The following DSCAM variants were observed in gnomAD, a reference collection of about 807,000 sequenced individuals.
The protein encoded by DSCAM is cell adhesion molecule DSCAM.
In DSCAM, 47 loss-of-function variants were observed where a neutral mutation model predicts 217.7. The ratio of observed to expected loss-of-function variants is 0.22; its 90% CI spans 0.17 to 0.28. The LOEUF (loss-of-function observed/expected upper bound fraction) is 0.28, where lower values mean the gene tolerates loss of function less well. Ranked by LOEUF, DSCAM falls within the 10% of genes least tolerant of loss-of-function variation. The pLI is 1.00. For missense variants in DSCAM, 2,080 were observed against 2,618.3 expected, an observed-to-expected ratio of 0.79 and a Z score of 4.49; for synonymous variants, 1,056 against 1,015.3, an observed-to-expected ratio of 1.04 and a Z score of -0.76.
rs78783210 is a variant in DSCAM, at chr21:40,716,409, T to G, written c.44-7638A>C. 8.1e-4 allele frequency among the ~76,000 whole-genome samples: 123 copies of G among 152,148 alleles called. 1 individual carries two copies. The highest frequency in any genetic ancestry group is 2.8e-3 in the African/African-American group (115 of 41,512). On this transcript the variant is annotated intron_variant, in intron 1 of 32. Coordinates refer to ENST00000400454, the MANE Select transcript of DSCAM (RefSeq NM_001389.5). ...GTGTGTGTGTGTGTGTGAAAGTTCCTAAAAAATAACTGTGGGTTCAAAACA... is the reference window on the plus strand; with the variant it reads ...GTGTGTGTGTGTGTGTGAAAGTTCCGAAAAAATAACTGTGGGTTCAAAACA...
intron 3 of DSCAM, among the ~76,000 whole-genome samples, chr21:40,609,520 T>C (rs1055086850): frequency 2.6e-5 from 4 of 152,196 alleles, no homozygotes; most frequent in African/African-American, 4.8e-5. Flanking sequence ...TTATGATTTG[T>C]AGCAAGGACG....
At chr21:40,252,638 G>A (rs755523317) in intron 11 of DSCAM, among the ~76,000 whole-genome samples, 9 of 152,108 alleles carry the variant, frequency 5.9e-5, no homozygotes, top group South Asian at 2.1e-4. Context: ...AGGGCCAGCC[G>A]GGTGGCCAGG....
intron 3 of DSCAM, among the ~76,000 whole-genome samples, chr21:40,585,069 A>G (rs565060027): frequency 7.6e-4 from 115 of 151,846 alleles, no homozygotes; most frequent in African/African-American, 2.6e-3. Context: ...AGGCCATGTC[A>G]CCTTGCCTTT....
chr21:40,402,112 T>C (rs1370296711), intron 3 of DSCAM, among the ~76,000 whole-genome samples: 1 of 123,292 alleles, frequency 8.1e-6, no homozygotes, highest in Non-Finnish European at 1.6e-5. Context: ...CGGGCTGGAG[T>C]ACAGTGGTGC....
rs923179503 is a variant in DSCAM at position 40,044,160 on chromosome 21, G to A, written c.5301C>T (p.Asp1767=). 6.2e-7 allele frequency: 1 copy of A among 1,614,078 alleles called. No homozygotes were observed. The highest frequency in any genetic ancestry group is 1.3e-5 in the African/African-American group (1 of 74,930). The change falls in exon 31 of 33, where the codon GAC becomes GAT. Residue 1767 remains aspartate (D), a synonymous_variant. Transcript: ENST00000400454. ...CAGCCCTGGGTGTTGGCAGCCTCCA[G>A]TCTGTGGTGAGGGTGTGTGCTGAGA... ...PTISAHTLTT[D]WRLPTPRAAG...
At chr21:40,376,589 T>TATATCGATATCTATTATCTTATATAG (rs2074960273) in intron 3 of DSCAM, among the ~76,000 whole-genome samples, 1 of 14,076 alleles carries the variant, frequency 7.1e-5, no homozygotes, top group Non-Finnish European at 1.4e-4. Flanking sequence ...CTATATATCT[T>TATATCGATATCTATTATCTTATATAG]ATATCGATAT....
chr21:40,164,604 C>G, intron 16 of DSCAM, among the ~76,000 whole-genome samples: 1 of 152,024 alleles, frequency 6.6e-6, no homozygotes, highest in East Asian at 1.9e-4. Flanking sequence ...TCAAGACCAG[C>G]CTGGCCAACA....
intron 3 of DSCAM, among the ~76,000 whole-genome samples, chr21:40,578,445 C>CGG (rs1568917827): frequency 4.6e-4 from 19 of 40,926 alleles, no homozygotes; most frequent in African/African-American, 6.8e-5. Context: ...CTCTGTAAAA[C>CGG]AGACCAATCA....
intron 8 of DSCAM, among the ~76,000 whole-genome samples, chr21:40,329,571 G>A (rs548034421): frequency 7.3e-5 from 11 of 151,168 alleles, no homozygotes; most frequent in South Asian, 2.1e-4. Flanking sequence ...CCGAGATCGC[G>A]CCACTGCACT....
chr21:40,496,958 T>C (rs1328182085), intron 3 of DSCAM, among the ~76,000 whole-genome samples: 2 of 152,136 alleles, frequency 1.3e-5, no homozygotes, highest in African/African-American at 2.4e-5. Flanking sequence ...CTCACACTTA[T>C]CAGATGGCTG....
At chr21:40,200,527 A>C (rs1160357770) in intron 11 of DSCAM, among the ~76,000 whole-genome samples, 3 of 152,214 alleles carry the variant, frequency 2.0e-5, no homozygotes, top group Non-Finnish European at 4.4e-5. Flanking sequence ...ATGTGTACAC[A>C]GCATTTTTTT....
At chr21:40,521,925 A>C (rs1380215311) in intron 3 of DSCAM, among the ~76,000 whole-genome samples, 3 of 152,242 alleles carry the variant, frequency 2.0e-5, no homozygotes, top group African/African-American at 7.2e-5. Context: ...TTTGATCATT[A>C]AACAACGTAT....
At chr21:40,090,631 T>C (rs965670390) in intron 21 of DSCAM, among the ~76,000 whole-genome samples, 7 of 151,716 alleles carry the variant, frequency 4.6e-5, no homozygotes, top group Admixed American at 4.6e-4. Flanking sequence ...CTCTCTGGCT[T>C]TTCCCCTTTT....
At chr21:40,389,324 A>G (rs1020181657) in intron 3 of DSCAM, among the ~76,000 whole-genome samples, 15 of 152,214 alleles carry the variant, frequency 9.9e-5, no homozygotes, top group Admixed American at 9.2e-4. Flanking sequence ...AATAGCCAAT[A>G]TTTTATGAAG....
intron 3 of DSCAM, among the ~76,000 whole-genome samples, chr21:40,559,885 C>T (rs894420056): frequency 6.6e-6 from 1 of 150,776 alleles, no homozygotes; most frequent in African/African-American, 2.4e-5. Flanking sequence ...CTCCGCCTCC[C>T]GAGTTCACGC....
chr21:40,312,105 G>A lies in DSCAM; in HGVS notation c.2038C>T (p.His680Tyr), dbSNP rs2074145167. 1.2e-6 allele frequency: 2 copies of A among 1,614,022 alleles called. No individual in the cohort carries two copies. Among genetic ancestry groups the A allele is most frequent in the Non-Finnish European group, 8.5e-7 (1 of 1,179,946 alleles). Residue 680 changes from histidine to tyrosine, a missense_variant, in exon 9 of 33, where the codon CAC becomes TAC. By Grantham distance (83) the His-to-Tyr change is moderately conservative. This residue lies in a region of DSCAM where 218 missense variants were observed against 364.1 expected (regional missense o/e 0.60). Transcript: ENST00000400454. ...IARNEAAAVE[H>Y]QSQLIVRVPP... ...CCTCTGACAATCAACTGGCTTTGGTGCTCCACAGCGGCGGCCTCATTCCGG... is the reference window on the plus strand; with the variant it reads ...CCTCTGACAATCAACTGGCTTTGGTACTCCACAGCGGCGGCCTCATTCCGG...
At chr21:40,762,434 G>A (rs973180172) in intron 1 of DSCAM, among the ~76,000 whole-genome samples, 5 of 152,156 alleles carry the variant, frequency 3.3e-5, no homozygotes, top group Non-Finnish European at 7.3e-5. Flanking sequence ...TCCCTGAATA[G>A]ACCAATAACA....
At chr21:40,570,029 A>ATGCAGTGGATACTGAGGTGGAT (rs2076794289) in intron 3 of DSCAM, among the ~76,000 whole-genome samples, 1 of 152,156 alleles carries the variant, frequency 6.6e-6, no homozygotes, top group Non-Finnish European at 1.5e-5. Flanking sequence ...TTCCCCAAGT[A>ATGCAGTGGATACTGAGGTGGAT]CCCTGCAGTG....
chr21:40,806,946 A>T (rs1043731664), intron 1 of DSCAM, among the ~76,000 whole-genome samples: 1 of 151,242 alleles, frequency 6.6e-6, no homozygotes, highest in African/African-American at 2.4e-5. Flanking sequence ...AACATCACAC[A>T]CCGGGGCCTA....
Sources: allele counts gnomAD v4.1 joint callset (sites outside exome capture counted in the v4.1 genomes callset), GRCh38; gene constraint gnomAD v4.1.1; regional missense constraint gnomAD v4.1.1; transcripts MANE v1.5; gene names NCBI Gene and HGNC (gene_info 2026-07-23, HGNC 2026-07-21).